TG: variants seen among roughly 807,000 people sequenced by gnomAD.
TG encodes thyroglobulin.
Under a neutral mutation model 324.7 loss-of-function variants are expected in TG, and 270 were observed. The observed-to-expected ratio is 0.83, with a 90% confidence interval of 0.75 to 0.92. The LOEUF (loss-of-function observed/expected upper bound fraction) is 0.92, where lower values mean the gene tolerates loss of function less well. Ranked by LOEUF, TG falls within the 40% of genes least tolerant of loss-of-function variation. The probability of loss-of-function intolerance (pLI) is 0.00; values close to 1 mark genes in which losing one functional copy is unlikely to be tolerated. For synonymous variants in TG, 1,401 were observed against 1,327.0 expected, an observed-to-expected ratio of 1.06 and a Z score of -1.21; for missense variants, 3,591 against 3,456.4, an observed-to-expected ratio of 1.04 and a Z score of -0.98.
intron 26 of TG, among the ~76,000 whole-genome samples, chr8:132,943,897 G>T (rs1022223411): frequency 6.6e-6 from 1 of 152,082 alleles, no homozygotes; most frequent in African/African-American, 2.4e-5. Flanking sequence ...CTTAAACTGT[G>T]CCTTCTCTTC....
rs548227693 is a variant in TG, at chr8:132,981,624, C to G, written c.6200-1726C>G. Among the ~76,000 whole-genome samples, 3 of 152,302 alleles carry G rather than the reference C, an allele frequency of 2.0e-5. 1 individual carries two copies. In the South Asian group the frequency reaches 6.2e-4, roughly 32 times the overall value. On this transcript the variant is annotated intron_variant, in intron 34 of 47. Coordinates refer to ENST00000220616, the MANE Select transcript of TG (RefSeq NM_003235.5). ...TCCCAGAACGTGAGATGACAGAAGC[C>G]TTGGCTCAGCGTGGATCAGCAGCAA...
intron 4 of TG, among the ~76,000 whole-genome samples, chr8:132,871,930 C>A (rs181008722): frequency 6.6e-6 from 1 of 152,246 alleles, no homozygotes; most frequent in East Asian, 1.9e-4. Context: ...TATAATAAAG[C>A]TGAAAAATTC....
In TG at chr8:132,874,697, TA is replaced by T. The variant is rs1464480332; in HGVS notation, c.638+1477del. On this transcript the variant is annotated intron_variant, in intron 5 of 47. Coordinates refer to ENST00000220616, the MANE Select transcript of TG (RefSeq NM_003235.5). ...TATTTTAAAAACTGGAAACTTTTATTAGGTTGAACCCCATGAAATTTCTATT... is the reference window on the plus strand; with the variant it reads ...TATTTTAAAAACTGGAAACTTTTATTGGTTGAACCCCATGAAATTTCTATT... Among the ~76,000 whole-genome samples, 3 of 152,206 alleles carry T rather than the reference TA, an allele frequency of 2.0e-5. No homozygotes were observed. In the East Asian group the frequency reaches 5.8e-4, roughly 29 times the overall value.
chr8:132,941,290 G>T, intron 25 of TG, 61 bp from the exon 26 acceptor site: 1 of 1,600,388 alleles, frequency 6.2e-7, no homozygotes, highest in Non-Finnish European at 8.6e-7. Context: ...AGATCAGTAA[G>T]CTCTGTCCAA....
chr8:133,009,942 C>A (rs1834358426), intron 35 of TG, among the ~76,000 whole-genome samples: 1 of 152,146 alleles, frequency 6.6e-6, no homozygotes, highest in Admixed American at 6.5e-5. Context: ...GATTGTTTTG[C>A]TGCTTTATTT....
At chr8:132,987,997 G>C (rs1353353177) in intron 35 of TG, among the ~76,000 whole-genome samples, 1 of 151,168 alleles carries the variant, frequency 6.6e-6, no homozygotes, top group Non-Finnish European at 1.5e-5. Flanking sequence ...CATCCCCACT[G>C]ACCAGTCGGG....
chr8:132,887,657 G>T, intron 9 of TG, 109 bp downstream of exon 9: 2 of 1,446,666 alleles, frequency 1.4e-6, no homozygotes, highest in African/African-American at 2.8e-5. Context: ...TTACACTTCA[G>T]TTAAGGACAA....
chr8:132,966,531 A>C lies in TG; in HGVS notation c.5549-29A>C, dbSNP rs749588308. 19 of 1,613,658 alleles carry C rather than the reference A, an allele frequency of 1.2e-5. No homozygotes were observed. The Admixed American group carries it at 3.2e-4, about 27-fold the overall frequency. ...TCATATTCACTAGAGTTAAAGGTGC[A>C]GGAAGTTGACTCCCTGCTTCTTTTT... is the stretch of plus-strand genomic sequence containing the variant. On this transcript the variant is annotated intron_variant, in intron 29 of 47. Coordinates refer to ENST00000220616, the MANE Select transcript of TG (RefSeq NM_003235.5).
chr8:133,076,700 T>A (rs1844920004), intron 41 of TG: 1 of 150,426 alleles, frequency 6.6e-6, no homozygotes, highest in Admixed American at 6.6e-5. Context: ...TTATTCCCTG[T>A]CATTTCTTTA....
chr8:133,056,690 G>A (rs1053466650), intron 41 of TG, among the ~76,000 whole-genome samples: 5 of 152,178 alleles, frequency 3.3e-5, no homozygotes, highest in South Asian at 4.1e-4. Flanking sequence ...TGTGAGAATC[G>A]AGTCTGCATA....
chr8:133,075,427 G>A (rs555055542), intron 41 of TG, among the ~76,000 whole-genome samples: 1 of 152,166 alleles, frequency 6.6e-6, no homozygotes, highest in African/African-American at 2.4e-5. Flanking sequence ...GAGACACAAT[G>A]ACTTGGTGCC....
Position 132,933,635 on chromosome 8 carries a change from G to T in TG, c.4891G>T (p.Ala1631Ser), listed in dbSNP as rs143415940. The T allele has an allele frequency of 7.4e-6, 12 of 1,614,004 alleles. No homozygotes were observed. Among genetic ancestry groups the T allele is most frequent in the Non-Finnish European group, 8.5e-6 (10 of 1,180,036 alleles). The change falls in exon 24 of 48, where the codon GCT becomes TCT. Residue 1631 changes from alanine (A) to serine (S), a missense_variant. Ala to Ser is a moderately conservative substitution (Grantham distance 99). Transcript: ENST00000220616. ...GCCAGAGATTTCCTGTGATTTCTAT[G>T]CTTGGACAAGTGACAATGTTGCCTG... ...TEPEISCDFY[A>S]WTSDNVACMT...
intron 35 of TG, chr8:132,988,712 A>T (rs2130745695): frequency 1.0e-6 from 1 of 985,452 alleles, no homozygotes; most frequent in East Asian, 1.1e-4. Flanking sequence ...TAAAAGGCTT[A>T]CACCAACCAA....
chr8:133,015,117 C>T (rs1206943408), intron 37 of TG, among the ~76,000 whole-genome samples: 2 of 152,196 alleles, frequency 1.3e-5, no homozygotes, highest in Non-Finnish European at 2.9e-5. Context: ...AAGGGATCCA[C>T]CTGCCTCAGC....
At chr8:133,083,637 G>A (rs1011662857) in intron 41 of TG, among the ~76,000 whole-genome samples, 15 of 152,234 alleles carry the variant, frequency 9.9e-5, no homozygotes, top group African/African-American at 3.4e-4. Context: ...GTCAGTGCAA[G>A]AGTCAGTAAG....
intron 41 of TG, among the ~76,000 whole-genome samples, chr8:133,069,163 A>G (rs1843562098): frequency 1.3e-5 from 2 of 152,276 alleles, no homozygotes. Flanking sequence ...TGAACATCCT[A>G]AAGGTCACCC....
rs1235765470 is a variant in TG, at chr8:133,117,585, G to A, written c.7862+869G>A. Among the ~76,000 whole-genome samples the A allele has an allele frequency of 3.9e-5, 6 of 152,220 alleles. No individual in the cohort carries two copies. The East Asian group carries it at 1.2e-3, about 29-fold the overall frequency. ...GTGCATTAAACCACATCAGATCATA[G>A]TGAGGTGCCTTTGGCAAGACAATCT... On this transcript the variant is annotated intron_variant, in intron 45 of 47. Transcript: ENST00000220616.
intron 41 of TG, among the ~76,000 whole-genome samples, chr8:133,076,324 G>A (rs1419033749): frequency 2.0e-5 from 3 of 152,216 alleles, no homozygotes; most frequent in Non-Finnish European, 4.4e-5. Flanking sequence ...GCCACCCTGG[G>A]ACAGTCATTT....
intron 18 of TG, among the ~76,000 whole-genome samples, chr8:132,910,816 G>A (rs1355674109): frequency 6.6e-6 from 1 of 152,216 alleles, no homozygotes; most frequent in Non-Finnish European, 1.5e-5. Context: ...CTGATATGAA[G>A]AGGGAGAGGT....
Sources: allele counts gnomAD v4.1 joint callset (sites outside exome capture counted in the v4.1 genomes callset), GRCh38; gene constraint gnomAD v4.1.1; transcripts MANE v1.5; gene names NCBI Gene and HGNC (gene_info 2026-07-23, HGNC 2026-07-21).